SP1: variants seen among roughly 807,000 people sequenced by gnomAD.
SP1 encodes the protein transcription factor Sp1.
In SP1, 6 loss-of-function variants were observed where a neutral mutation model predicts 66.3. The ratio of observed to expected loss-of-function variants is 0.09; its 90% confidence interval spans 0.05 to 0.18. The LOEUF is 0.18. Among genes scored for constraint, SP1 ranks in the 10% least tolerant of loss-of-function variants. The probability of loss-of-function intolerance (pLI) is 1.00; values close to 1 mark genes in which losing one functional copy is unlikely to be tolerated. For synonymous variants in SP1, 417 were observed against 360.8 expected (o/e 1.16, Z -1.77); for missense variants, 848 against 964.5 (o/e 0.88, Z 1.60).
chr12:53,382,700 G>T lies in SP1; in HGVS notation c.753G>T (p.Gln251His). The T allele has an allele frequency of 6.2e-7, 1 of 1,614,168 alleles. No homozygotes were observed. The highest frequency in any genetic ancestry group is 1.1e-5 in the South Asian group (1 of 91,080). ...ATAATGTACTCTCAGGACAGACTCA[G>T]TATGTGACCAATGTACCAGTGGCCC... Reference protein sequence around the residue: ...LANNVLSGQTQYVTNVPVALN... With the variant: ...LANNVLSGQTHYVTNVPVALN... Residue 251 changes from glutamine to histidine, a missense_variant, in exon 3 of 6, where the codon CAG becomes CAT. Coordinates refer to ENST00000327443, the MANE Select transcript of SP1 (RefSeq NM_138473.3).
At chr12:53,397,643 T>A (rs190881460) in intron 3 of SP1, among the ~76,000 whole-genome samples, 2 of 150,358 alleles carry the variant, frequency 1.3e-5, no homozygotes, top group Admixed American at 1.3e-4. Context: ...TGGAGTGCAG[T>A]GGCATGATCT....
chr12:53,383,849 G>A (rs1294024839), intron 3 of SP1, among the ~76,000 whole-genome samples: 2 of 152,138 alleles, frequency 1.3e-5, no homozygotes, highest in Non-Finnish European at 2.9e-5. Flanking sequence ...GCAATATTCT[G>A]GAGTCTGTAA....
intron 3 of SP1, among the ~76,000 whole-genome samples, chr12:53,399,685 G>A (rs555374364): frequency 4.7e-5 from 7 of 150,156 alleles, no homozygotes; most frequent in African/African-American, 1.7e-4. Context: ...TGCCCAGGCT[G>A]GAGTGCAGTG....
chr12:53,400,917 A>T (rs1938595336), intron 3 of SP1, among the ~76,000 whole-genome samples: 1 of 151,842 alleles, frequency 6.6e-6, no homozygotes, highest in African/African-American at 2.4e-5. Context: ...GCCCACCACC[A>T]TGCCTGGCTA....
chr12:53,405,435 G>A (rs1034656621), intron 3 of SP1, among the ~76,000 whole-genome samples: 3 of 152,108 alleles, frequency 2.0e-5, no homozygotes, highest in Admixed American at 1.3e-4. Flanking sequence ...TTCGAAGGCC[G>A]AGGCGGGTGG....
chr12:53,390,462 T>A (rs1260419157), intron 3 of SP1, among the ~76,000 whole-genome samples: 10 of 152,090 alleles, frequency 6.6e-5, no homozygotes, highest in African/African-American at 2.2e-4. Context: ...GCGGGTGGAC[T>A]GCCTGAGCTC....
At chr12:53,394,723 T>C (rs577144729) in intron 3 of SP1, among the ~76,000 whole-genome samples, 2 of 148,688 alleles carry the variant, frequency 1.3e-5, no homozygotes, top group South Asian at 2.2e-4. Flanking sequence ...CATGCCATTC[T>C]CCTGCCTCAG....
chr12:53,394,243 A>C (rs1938422000), intron 3 of SP1, among the ~76,000 whole-genome samples: 1 of 151,998 alleles, frequency 6.6e-6, no homozygotes, highest in African/African-American at 2.4e-5. Flanking sequence ...TACTCTGCTT[A>C]GAATTCTTTG....
intron 3 of SP1, among the ~76,000 whole-genome samples, chr12:53,398,702 A>T (rs1938543236): frequency 6.6e-6 from 1 of 152,200 alleles, no homozygotes; most frequent in Admixed American, 6.6e-5. Flanking sequence ...TGCAAATTAC[A>T]GTTTCAGTGT....
intron 1 of SP1, 104 bp downstream of exon 1, chr12:53,380,402 G>C (rs907715949): frequency 2.5e-5 from 24 of 952,620 alleles, no homozygotes; most frequent in African/African-American, 2.1e-4. Flanking sequence ...CGGGCGGGAG[G>C]CGGCGGCGGC....
At chr12:53,390,518 A>C (rs1938323316) in intron 3 of SP1, among the ~76,000 whole-genome samples, 1 of 152,100 alleles carries the variant, frequency 6.6e-6, no homozygotes, top group Admixed American at 6.6e-5. Context: ...CCCCGTCTCT[A>C]CTAAAATACA....
intron 3 of SP1, among the ~76,000 whole-genome samples, chr12:53,403,519 ATT>A (rs34078240): frequency 4.8e-4 from 69 of 143,240 alleles, no homozygotes; most frequent in Middle Eastern, 3.5e-3. Flanking sequence ...TGCCCAGCTA[ATT>A]TTTTTTTTTT....
chr12:53,411,402 G>A lies in SP1; in HGVS notation c.*162G>A, dbSNP rs978825738. 8.5e-6 allele frequency: 5 copies of A among 586,308 alleles called. No homozygotes were observed. The highest frequency in any genetic ancestry group is 3.7e-5 in the African/African-American group (2 of 53,566). The allele number at this position is 586,308 out of a possible 1,614,324, so 36.3% of individuals were successfully genotyped here. A position where few individuals can be genotyped will look rare whatever the true frequency, so the allele number is the denominator to read the frequency against. ...GATACAAGAGAGGAGATGGGGTCCC[G>A]GCACCCATCTGTATCATCAGTGCCT... On this transcript the variant is annotated 3_prime_UTR_variant, in exon 6 of 6. Coordinates refer to ENST00000327443, the MANE Select transcript of SP1 (RefSeq NM_138473.3).
rs574282259 is a variant in SP1 at position 53,407,616 on chromosome 12, A to T, written c.1844+863A>T. ...TGGGATTACAGACGTGAGCCACTGC[A>T]CCTGGCCAAAAAAATTTATTTATTT... On this transcript the variant is annotated intron_variant, in intron 4 of 5. Coordinates refer to ENST00000327443, the MANE Select transcript of SP1 (RefSeq NM_138473.3). 5.0e-3 allele frequency among the ~76,000 whole-genome samples: 727 copies of T among 146,244 alleles called. 1 individual carries two copies. The highest frequency in any genetic ancestry group is 6.7e-3 in the Non-Finnish European group (446 of 66,602).
At chr12:53,407,173 A>G (rs1938760994) in intron 4 of SP1, among the ~76,000 whole-genome samples, 1 of 150,932 alleles carries the variant, frequency 6.6e-6, no homozygotes, top group Admixed American at 6.6e-5. Flanking sequence ...GGATGCATAT[A>G]ATCCCAGCAC....
At chr12:53,383,731 G>T in intron 3 of SP1, 109 bp downstream of exon 3, 3 of 891,052 alleles carry the variant, frequency 3.4e-6, no homozygotes, top group Non-Finnish European at 5.1e-6. Context: ...TTTCTTGAGG[G>T]TTAGTCATTT....
rs765376854 is a variant in SP1, at chr12:53,382,121, A to G, written c.174A>G (p.Pro58=). The change falls in exon 3 of 6, where the codon CCA becomes CCG. Residue 58 remains proline (P), a synonymous_variant. Transcript: ENST00000327443. ...STGGGGQESQ[P]SPLALLAATC... The stretch of plus-strand genomic sequence containing the variant: ...TTATTTTCGGCCAGGAGTCCCAGCC[A>G]TCCCCTTTGGCTCTGCTGGCAGCAA... The G allele has an allele frequency of 3.5e-5, 57 of 1,613,758 alleles. No individual in the cohort carries two copies. The highest frequency in any genetic ancestry group is 4.7e-5 in the Non-Finnish European group (56 of 1,179,876).
At chr12:53,401,650 G>T (rs531540756) in intron 3 of SP1, among the ~76,000 whole-genome samples, 121 of 152,096 alleles carry the variant, frequency 8.0e-4, no homozygotes, top group African/African-American at 2.8e-3. Flanking sequence ...GAAAATATTG[G>T]TGTATATCTT....
chr12:53,404,271 C>T (rs1004450488), intron 3 of SP1, among the ~76,000 whole-genome samples: 65 of 151,838 alleles, frequency 4.3e-4, no homozygotes, highest in African/African-American at 1.5e-3. Context: ...CGGTGACTCA[C>T]GCCTGTAATC....
Sources: allele counts gnomAD v4.1 joint callset (sites outside exome capture counted in the v4.1 genomes callset), GRCh38; gene constraint gnomAD v4.1.1; transcripts MANE v1.5; gene names NCBI Gene and HGNC (gene_info 2026-07-23, HGNC 2026-07-21).